Variants in KATNAL1 observed in about 807,000 individuals in gnomAD.
The protein encoded by KATNAL1 is katanin p60 ATPase-containing subunit A-like 1.
In KATNAL1, 32 loss-of-function variants were observed where a neutral mutation model predicts 55.2. The observed-to-expected ratio is 0.58, with a 90% CI of 0.44 to 0.78. The LOEUF (loss-of-function observed/expected upper bound fraction) is 0.78. Ranked by LOEUF, KATNAL1 falls within the 30% of genes least tolerant of loss-of-function variation. The pLI, the probability that KATNAL1 is intolerant of heterozygous loss-of-function variation, is 0.00. For synonymous variants in KATNAL1, 193 were observed against 193.6 expected, an observed-to-expected ratio of 1.00 and a Z score of 0.02; for missense variants, 466 against 600.9, an observed-to-expected ratio of 0.78 and a Z score of 2.35.
At chr13:30,276,594 G>T (rs1445937641) in intron 3 of KATNAL1, among the ~76,000 whole-genome samples, 1 of 151,446 alleles carries the variant, frequency 6.6e-6, no homozygotes, top group Admixed American at 6.6e-5. Context: ...TGTAATTTCA[G>T]TGTGGTACTT....
rs1873261434 is a variant in KATNAL1 at position 30,207,525 on chromosome 13, T to TAAAATCAAACTCAAGA, written c.*999_*1014dup. ...ATGTAAAAGTATTTATCTCAAATAC[T>TAAAATCAAACTCAAGA]AAAATCAAACTCAAGAAAAATCAAA... On this transcript the variant is annotated 3_prime_UTR_variant, in exon 11 of 11. Coordinates refer to ENST00000380615, the MANE Select transcript of KATNAL1 (RefSeq NM_032116.5). The TAAAATCAAACTCAAGA allele has an allele frequency of 6.6e-6, 1 of 152,194 alleles. No homozygotes were observed. Among genetic ancestry groups the TAAAATCAAACTCAAGA allele is most frequent in the Non-Finnish European group, 1.5e-5 (1 of 68,026 alleles). 9.4% of individuals were successfully genotyped at this position (152,194 alleles called of 1,614,324 possible).
At position 30,274,880 on chromosome 13, in the gene KATNAL1, TGCACACACATACGCGCGCGCGCGC is replaced by T. The variant is rs758193456; in HGVS notation, c.323+5159_323+5182del. Among the ~76,000 whole-genome samples the T allele has an allele frequency of 2.5e-3, 343 of 138,236 alleles. 1 individual carries two copies. Among genetic ancestry groups the T allele is most frequent in the Middle Eastern group, 7.1e-3 (2 of 280 alleles). The allele number at this position is 138,236 out of a possible 152,430, so 90.7% of individuals were successfully genotyped here. ...GCATATATGTTGGGGGCGGGGTGTGTGCACACACATACGCGCGCGCGCGCGCGCACACACACACACACACACACA... is the reference window on the plus strand; with the variant it reads ...GCATATATGTTGGGGGCGGGGTGTGTGCGCACACACACACACACACACACA... On this transcript the variant is annotated intron_variant, in intron 3 of 10. Coordinates refer to ENST00000380615, the MANE Select transcript of KATNAL1 (RefSeq NM_032116.5).
At chr13:30,218,205 A>AATATATATATAT (rs34056263) in intron 9 of KATNAL1, among the ~76,000 whole-genome samples, 14 of 139,518 alleles carry the variant, frequency 1.0e-4, no homozygotes, top group South Asian at 2.4e-4. Context: ...CAGTAAAAGG[A>AATATATATATAT]ATATATATAT....
intron 2 of KATNAL1, among the ~76,000 whole-genome samples, chr13:30,280,976 T>C (rs1020859852): frequency 1.3e-5 from 2 of 152,010 alleles, no homozygotes; most frequent in African/African-American, 4.8e-5. Context: ...AGTCCAGGCA[T>C]GACAGCATGA....
chr13:30,260,161 C>T (rs866785346), intron 3 of KATNAL1, among the ~76,000 whole-genome samples: 1 of 152,134 alleles, frequency 6.6e-6, no homozygotes, highest in South Asian at 2.1e-4. Context: ...AGCTGAGGGT[C>T]CTGTCTGTTA....
Position 30,207,023 on chromosome 13 carries a change from G to A in KATNAL1, c.*1517C>T, listed in dbSNP as rs904328271. On this transcript the variant is annotated 3_prime_UTR_variant, in exon 11 of 11. Transcript: ENST00000380615. Reference sequence around the variant, plus strand: ...CATAAGGCATTTACAGTTTTTAGCAGGGAAAAATAATCAAATCTCTTTTTT... The same window carrying A: ...CATAAGGCATTTACAGTTTTTAGCAAGGAAAAATAATCAAATCTCTTTTTT... 11 of 152,086 alleles carry A rather than the reference G, an allele frequency of 7.2e-5. No individual in the cohort carries two copies. Among genetic ancestry groups the A allele is most frequent in the Non-Finnish European group, 1.6e-4 (11 of 68,014 alleles). 9.4% of individuals were successfully genotyped at this position (152,086 alleles called of 1,614,324 possible). A position where few individuals can be genotyped will look rare whatever the true frequency, so the allele number is the denominator to read the frequency against.
In KATNAL1 at chr13:30,239,406, T is replaced by A. The variant is rs138488083; in HGVS notation, c.726+1054A>T. On this transcript the variant is annotated intron_variant, in intron 6 of 10. Coordinates refer to ENST00000380615, the MANE Select transcript of KATNAL1 (RefSeq NM_032116.5). ...GCCTGGGCAACAGAGTGAGACTCAG[T>A]CTCAAAAAATAAATAAAATACATTT... 9.2e-3 allele frequency among the ~76,000 whole-genome samples: 1,396 copies of A among 152,140 alleles called. 24 individuals carry two copies. The highest frequency in any genetic ancestry group is 0.032 in the African/African-American group (1,337 of 41,490).
chr13:30,296,899 G>A (rs1280484437), intron 1 of KATNAL1, among the ~76,000 whole-genome samples: 1 of 152,004 alleles, frequency 6.6e-6, no homozygotes, highest in Middle Eastern at 3.2e-3. Context: ...GCCTTCTCAT[G>A]CCTCCTCCTG....
At chr13:30,274,901 G>GCACA (rs1375758994) in intron 3 of KATNAL1, among the ~76,000 whole-genome samples, 7 of 111,406 alleles carry the variant, frequency 6.3e-5, no homozygotes, top group Non-Finnish European at 1.3e-4. Flanking sequence ...ACGCGCGCGC[G>GCACA]CGCGCGCACA....
intron 2 of KATNAL1, among the ~76,000 whole-genome samples, chr13:30,283,112 A>C (rs1881506553): frequency 6.6e-6 from 1 of 151,212 alleles, no homozygotes; most frequent in Non-Finnish European, 1.5e-5. Flanking sequence ...TACTAAAAAC[A>C]CAAAAATTAA....
At chr13:30,297,198 G>A (rs980029822) in intron 1 of KATNAL1, among the ~76,000 whole-genome samples, 1 of 151,114 alleles carries the variant, frequency 6.6e-6, no homozygotes, top group African/African-American at 2.4e-5. Context: ...GAAGGATGAG[G>A]AGGAGTAGGA....
At position 30,264,577 on chromosome 13, in the gene KATNAL1, C is replaced by G. The variant is rs1055919439; in HGVS notation, c.324-8962G>C. Among the ~76,000 whole-genome samples the G allele has an allele frequency of 7.3e-5, 11 of 151,186 alleles. 1 individual carries two copies. The highest frequency in any genetic ancestry group is 2.7e-4 in the African/African-American group (11 of 40,894). ...AGTGGGTTAAGGACATGAACAGACA[C>G]TTCTCAAAAGAAGACATTTATGCAG... On this transcript the variant is annotated intron_variant, in intron 3 of 10. Coordinates refer to ENST00000380615, the MANE Select transcript of KATNAL1 (RefSeq NM_032116.5).
At chr13:30,248,651 G>A (rs565433078) in intron 4 of KATNAL1, among the ~76,000 whole-genome samples, 4 of 152,360 alleles carry the variant, frequency 2.6e-5, no homozygotes, top group South Asian at 2.1e-4. Context: ...AACGCCGGGC[G>A]CAATGGCTCA....
chr13:30,277,982 CAAAAAAAA>C (rs55683675), intron 3 of KATNAL1, among the ~76,000 whole-genome samples: 17 of 61,308 alleles, frequency 2.8e-4, no homozygotes, highest in African/African-American at 4.9e-4. Flanking sequence ...GACTCCGTCT[CAAAAAAAA>C]AAAAAAAAAA....
intron 9 of KATNAL1, among the ~76,000 whole-genome samples, chr13:30,218,179 A>G (rs905288765): frequency 1.4e-5 from 2 of 145,176 alleles, no homozygotes; most frequent in Admixed American, 7.1e-5. Context: ...GATAGGATAC[A>G]TAAGATGTGA....
rs1467043392 is a variant in KATNAL1 at position 30,203,999 on chromosome 13, G to A, written c.*4541C>T. ...GTAAAAATAGTTAGTGGAGATGACA[G>A]TAAAACATTCGAGGCTTAAATATTT... On this transcript the variant is annotated 3_prime_UTR_variant, in exon 11 of 11. Coordinates refer to ENST00000380615, the MANE Select transcript of KATNAL1 (RefSeq NM_032116.5). 1 of 152,134 alleles carries A rather than the reference G, an allele frequency of 6.6e-6. No individual in the cohort carries two copies. The highest frequency in any genetic ancestry group is 1.5e-5 in the Non-Finnish European group (1 of 68,028). The allele number at this position is 152,134 out of a possible 1,614,324, so 9.4% of individuals were successfully genotyped here.
chr13:30,296,735 G>C (rs1161929304), intron 1 of KATNAL1: 5 of 536,630 alleles, frequency 9.3e-6, no homozygotes, highest in South Asian at 6.5e-5. Context: ...AACAAAATTA[G>C]GCTGGCCAAT....
intron 6 of KATNAL1, among the ~76,000 whole-genome samples, chr13:30,240,099 T>C (rs553245714): frequency 6.6e-6 from 1 of 151,006 alleles, no homozygotes; most frequent in East Asian, 1.9e-4. Context: ...ATTCCAACTT[T>C]TGAAAACTGT....
chr13:30,239,202 G>A (rs964335543), intron 6 of KATNAL1, among the ~76,000 whole-genome samples: 2 of 152,138 alleles, frequency 1.3e-5, no homozygotes, highest in Admixed American at 6.5e-5. Context: ...TTGAGGCCAG[G>A]AGTTCAAGAC....
Sources: gnomAD v4.1 joint callset for allele counts (sites outside exome capture counted in the v4.1 genomes callset) on GRCh38, gnomAD v4.1.1 for gene constraint, MANE v1.5 for transcripts, NCBI Gene and HGNC (gene_info 2026-07-23, HGNC 2026-07-21) for gene names.